The following CNMD variants were observed in gnomAD, a reference collection of about 807,000 sequenced individuals.
CNMD encodes the protein chondromodulin.
CNMD carries 30 observed loss-of-function variants against 37.5 expected under a neutral mutation model. The ratio of observed to expected loss-of-function variants is 0.80; its 90% CI spans 0.60 to 1.09. The LOEUF (loss-of-function observed/expected upper bound fraction) is 1.09. Among genes scored for constraint, CNMD ranks in the 50% least tolerant of loss-of-function variants. The pLI is 0.00. For synonymous variants in CNMD, 167 were observed against 148.2 expected (o/e 1.13, Z -0.92); for missense variants, 398 against 423.9 (o/e 0.94, Z 0.54).
chr13:52,733,173 G>A (rs756792320), intron 3 of CNMD, 46 bp downstream of exon 3: 66 of 1,605,310 alleles, frequency 4.1e-5, no homozygotes, highest in Non-Finnish European at 5.2e-5. Flanking sequence ...GAAAAGTCCC[G>A]CAGGCTTGCC....
Position 52,703,579 on chromosome 13 carries a change from G to C in CNMD, c.*16C>G, listed in dbSNP as rs1319100499. 1.3e-6 allele frequency: 2 copies of C among 1,560,534 alleles called. No individual in the cohort carries two copies. The highest frequency in any genetic ancestry group is 1.8e-6 in the Non-Finnish European group (2 of 1,133,398). On this transcript the variant is annotated 3_prime_UTR_variant, in exon 7 of 7. Coordinates refer to ENST00000377962, the MANE Select transcript of CNMD (RefSeq NM_007015.3). ...AGCTAGTTCTTATTTTACAGCACAT[G>C]ATATATGAAGTGATTTCACACCATG... is the stretch of plus-strand genomic sequence containing the variant.
intron 4 of CNMD, among the ~76,000 whole-genome samples, chr13:52,716,564 A>G (rs1455369522): frequency 6.6e-6 from 1 of 152,130 alleles, no homozygotes; most frequent in African/African-American, 2.4e-5. Context: ...TTTTCTACGT[A>G]TGGCTAGCCA....
Position 52,724,028 on chromosome 13 carries a change from G to T in CNMD, c.437C>A (p.Ala146Asp). The change falls in exon 4 of 7, where the codon GCC (alanine) becomes GAC (aspartate). Residue 146 changes from alanine to aspartate, a missense_variant. Ala to Asp is a moderately radical substitution (Grantham distance 126). Transcript: ENST00000377962. ...QVKARIPEVG[A>D]VTKQSISSKL... ...GGAGGAGATGCTCTGTTTGGTCACGGCGCCCACCTCAGGAATACGAGCCTT... is the reference window on the plus strand; with the variant it reads ...GGAGGAGATGCTCTGTTTGGTCACGTCGCCCACCTCAGGAATACGAGCCTT... 1.2e-6 allele frequency: 2 copies of T among 1,613,748 alleles called. No individual in the cohort carries two copies. The highest frequency in any genetic ancestry group is 1.7e-6 in the Non-Finnish European group (2 of 1,179,720).
rs1384249745 is a variant in CNMD at position 52,739,112 on chromosome 13, G to C, written c.132C>G (p.Ala44=). ...GCACAGCTCCCGAAATGAGGACCAC[G>C]GCTCCCACCTTGAGCAGCCGCGCGG... ...SSPARLLKVG[A]VVLISGAVLL... is the part of the protein sequence containing the mutation. The change falls in exon 2 of 7, where the codon GCC becomes GCG. Residue 44 remains alanine, a synonymous_variant. Transcript: ENST00000377962. The surrounding 1 kb of genome is among the most constrained non-coding windows in gnomAD (Gnocchi z 5.4). 5 of 1,569,850 alleles carry C rather than the reference G, an allele frequency of 3.2e-6. No individual in the cohort carries two copies. Among genetic ancestry groups the C allele is most frequent in the Non-Finnish European group, 4.3e-6 (5 of 1,163,136 alleles).
At chr13:52,728,269 C>T (rs375428154) in intron 3 of CNMD, among the ~76,000 whole-genome samples, 13 of 152,014 alleles carry the variant, frequency 8.6e-5, no homozygotes, top group African/African-American at 3.1e-4. Flanking sequence ...ACCTGTAGTC[C>T]CAGCTACTCG....
chr13:52,739,529 C>T lies in CNMD; in HGVS notation c.72+101G>A, dbSNP rs1964848173. The T allele has an allele frequency of 2.8e-6, 3 of 1,084,124 alleles. No homozygotes were observed. Among genetic ancestry groups the T allele is most frequent in the Non-Finnish European group, 4.2e-6 (3 of 709,268 alleles). 67.2% of individuals were successfully genotyped at this position (1,084,124 alleles called of 1,614,324 possible). On this transcript the variant is annotated intron_variant, in intron 1 of 6. Transcript: ENST00000377962. This position sits in a 1 kb window ranked among gnomAD's most constrained non-coding sequence, Gnocchi z 5.4. Reference sequence around the variant, plus strand: ...TTTGGGACCCAAATTTATCCCCCCGCCAACACACCCATTCGGTGGCACGCA... The same window carrying T: ...TTTGGGACCCAAATTTATCCCCCCGTCAACACACCCATTCGGTGGCACGCA...
intron 4 of CNMD, among the ~76,000 whole-genome samples, chr13:52,718,829 A>G (rs551146621): frequency 1.3e-5 from 2 of 152,306 alleles, no homozygotes; most frequent in East Asian, 3.9e-4. Context: ...AGTTCTGTAC[A>G]TGTCTATTAG....
At position 52,703,547 on chromosome 13, in the gene CNMD, T is replaced by G. The variant is rs762304496; in HGVS notation, c.*48A>C. 1.5e-6 allele frequency: 2 copies of G among 1,341,210 alleles called. No homozygotes were observed. The highest frequency in any genetic ancestry group is 1.7e-5 in the Admixed American group (1 of 58,468). 83.1% of individuals were successfully genotyped at this position (1,341,210 alleles called of 1,614,324 possible). A position where few individuals can be genotyped will look rare whatever the true frequency, so the allele number is the denominator to read the frequency against. On this transcript the variant is annotated 3_prime_UTR_variant, in exon 7 of 7. Coordinates refer to ENST00000377962, the MANE Select transcript of CNMD (RefSeq NM_007015.3). ...ACCTGCCTTAATGCTTCTTTGGTTGTCTCTTCAGCTAGTTCTTATTTTACA... is the reference window on the plus strand; with the variant it reads ...ACCTGCCTTAATGCTTCTTTGGTTGGCTCTTCAGCTAGTTCTTATTTTACA...
intron 4 of CNMD, among the ~76,000 whole-genome samples, chr13:52,713,759 T>C (rs1021278659): frequency 1.3e-5 from 2 of 152,200 alleles, no homozygotes; most frequent in African/African-American, 2.4e-5. Flanking sequence ...TATACAAAAC[T>C]GATGAAAAAT....
At chr13:52,729,252 C>A (rs1337077360) in intron 3 of CNMD, among the ~76,000 whole-genome samples, 1 of 152,152 alleles carries the variant, frequency 6.6e-6, no homozygotes, top group Non-Finnish European at 1.5e-5. Context: ...GCACTCCTGA[C>A]CTTTATTGCA....
At chr13:52,726,675 C>T (rs1021827948) in intron 3 of CNMD, among the ~76,000 whole-genome samples, 3 of 151,950 alleles carry the variant, frequency 2.0e-5, no homozygotes, top group African/African-American at 4.8e-5. Context: ...CACAAGGACA[C>T]AGGAAGCATG....
chr13:52,727,299 A>G (rs1349597426), intron 3 of CNMD, among the ~76,000 whole-genome samples: 1 of 152,092 alleles, frequency 6.6e-6, no homozygotes, highest in African/African-American at 2.4e-5. Context: ...ACAATAGACT[A>G]TTTCAGGCAT....
Position 52,718,797 on chromosome 13 carries a change from A to G in CNMD, c.468+5200T>C, listed in dbSNP as rs530567605. Among the ~76,000 whole-genome samples the G allele has an allele frequency of 2.2e-4, 33 of 152,332 alleles. No homozygotes were observed. The South Asian group carries it at 4.6e-3, about 21-fold the overall frequency. ...TGATGTGGTGCTGAGAAGAATGTAT[A>G]TTCTGTTGATTTGGAGTGGAGAGTT... is the stretch of plus-strand genomic sequence containing the variant. On this transcript the variant is annotated intron_variant, in intron 4 of 6. Coordinates refer to ENST00000377962, the MANE Select transcript of CNMD (RefSeq NM_007015.3).
chr13:52,708,755 G>A, intron 5 of CNMD, 53 bp from the exon 6 acceptor site: 1 of 1,401,160 alleles, frequency 7.1e-7, no homozygotes, highest in Non-Finnish European at 9.8e-7. Flanking sequence ...AAGGAAATTA[G>A]ATCTGTGTTT....
At chr13:52,715,829 T>C (rs534957551) in intron 4 of CNMD, among the ~76,000 whole-genome samples, 1 of 152,356 alleles carries the variant, frequency 6.6e-6, no homozygotes, top group African/African-American at 2.4e-5. Context: ...CATGTGTCTT[T>C]ATAGTAGAAT....
chr13:52,704,295 C>T (rs1964139844), intron 6 of CNMD, among the ~76,000 whole-genome samples: 1 of 152,150 alleles, frequency 6.6e-6, no homozygotes, highest in Non-Finnish European at 1.5e-5. Flanking sequence ...ATTCCAGTTG[C>T]ACTGGCTCTG....
rs770677121 is a variant in CNMD at position 52,739,582 on chromosome 13, T to C, written c.72+48A>G. The C allele has an allele frequency of 6.6e-7, 1 of 1,524,450 alleles. No individual in the cohort carries two copies. The highest frequency in any genetic ancestry group is 9.1e-7 in the Non-Finnish European group (1 of 1,098,454). The allele number at this position is 1,524,450 out of a possible 1,614,324, so 94.4% of individuals were successfully genotyped here. A position where few individuals can be genotyped will look rare whatever the true frequency, so the allele number is the denominator to read the frequency against. ...CCTGAGTCCGAACTGTGGAACCTGA[T>C]ACTCACACAACCCAGGCCCTGCGTG... On this transcript the variant is annotated intron_variant, in intron 1 of 6. Coordinates refer to ENST00000377962, the MANE Select transcript of CNMD (RefSeq NM_007015.3). This position sits in a 1 kb window ranked among gnomAD's most constrained non-coding sequence, Gnocchi z 5.4.
At chr13:52,723,903 TAAA>T in intron 4 of CNMD, 91 bp downstream of exon 4, 3 of 809,108 alleles carry the variant, frequency 3.7e-6, no homozygotes, top group South Asian at 3.1e-5. Flanking sequence ...TCAATAAAAA[TAAA>T]AATAAAAACA....
At position 52,719,792 on chromosome 13, in the gene CNMD, C is replaced by T. The variant is rs566420793; in HGVS notation, c.468+4205G>A. Reference sequence around the variant, plus strand: ...TTCATTTCAATCTTGGTGAATCTGACGATTATGTGTCTTGGGGTTGCTCTT... The same window carrying T: ...TTCATTTCAATCTTGGTGAATCTGATGATTATGTGTCTTGGGGTTGCTCTT... On this transcript the variant is annotated intron_variant, in intron 4 of 6. Coordinates refer to ENST00000377962, the MANE Select transcript of CNMD (RefSeq NM_007015.3). 1.3e-3 allele frequency among the ~76,000 whole-genome samples: 198 copies of T among 151,880 alleles called. 5 individuals carry two copies. The South Asian group carries it at 0.037, about 28-fold the overall frequency.
Sources: allele counts gnomAD v4.1 joint callset (sites outside exome capture counted in the v4.1 genomes callset), GRCh38; gene constraint gnomAD v4.1.1; non-coding constraint Gnocchi (gnomAD v3.1); transcripts MANE v1.5; gene names NCBI Gene and HGNC (gene_info 2026-07-23, HGNC 2026-07-21).